KLHL1: variants seen among roughly 807,000 people sequenced by gnomAD.
KLHL1 encodes kelch-like protein 1.
In KLHL1, 47 loss-of-function variants were observed where a neutral mutation model predicts 77.7. The observed-to-expected ratio is 0.60, with a 90% CI of 0.48 to 0.77. KLHL1 has a LOEUF of 0.77. Among genes scored for constraint, KLHL1 ranks in the 30% least tolerant of loss-of-function variants. The pLI, the probability that KLHL1 is intolerant of heterozygous loss-of-function variation, is 0.00. For missense variants in KLHL1, 925 were observed against 910.8 expected, an observed-to-expected ratio of 1.02 and a Z score of -0.20; for synonymous variants, 360 against 325.2, an observed-to-expected ratio of 1.11 and a Z score of -1.15.
At chr13:70,091,787 C>T (rs1387653228) in intron 1 of KLHL1, among the ~76,000 whole-genome samples, 2 of 152,132 alleles carry the variant, frequency 1.3e-5, no homozygotes, top group Non-Finnish European at 2.9e-5. Flanking sequence ...TACAAGTAAG[C>T]TCTGTAGGTG....
intron 4 of KLHL1, among the ~76,000 whole-genome samples, chr13:69,889,173 G>C (rs1881334196): frequency 6.6e-6 from 1 of 152,070 alleles, no homozygotes; most frequent in East Asian, 1.9e-4. Context: ...TTGTTGCACT[G>C]ACATATTGCT....
intron 4 of KLHL1, among the ~76,000 whole-genome samples, chr13:69,917,237 T>C (rs1415707111): frequency 6.6e-6 from 1 of 151,920 alleles, no homozygotes; most frequent in East Asian, 1.9e-4. Flanking sequence ...ATAATATAAA[T>C]ATTTACATTT....
At chr13:70,054,820 AG>A (rs755392282) in intron 1 of KLHL1, among the ~76,000 whole-genome samples, 32 of 7,688 alleles carry the variant, frequency 4.2e-3, no homozygotes, top group Non-Finnish European at 0.022. Context: ...AAATTGATCA[AG>A]CATTAAGAGA....
In KLHL1 at chr13:69,796,720, A is replaced by G. The variant is rs1264681159; in HGVS notation, c.1639+18T>C. The G allele has an allele frequency of 6.6e-7, 1 of 1,511,764 alleles. No homozygotes were observed. The highest frequency in any genetic ancestry group is 9.2e-7 in the Non-Finnish European group (1 of 1,088,386). The allele number at this position is 1,511,764 out of a possible 1,614,324, so 93.6% of individuals were successfully genotyped here. A position where few individuals can be genotyped will look rare whatever the true frequency, so the allele number is the denominator to read the frequency against. ...ATAACATGTTTCTAAAAGTAATATC[A>G]ATAAAGTAAGATCTTACCTAGACCA... is the stretch of plus-strand genomic sequence containing the variant. On this transcript the variant is annotated intron_variant, in intron 7 of 10. Coordinates refer to ENST00000377844, the MANE Select transcript of KLHL1 (RefSeq NM_020866.3).
chr13:69,837,595 T>TAC (rs1879053400), intron 6 of KLHL1, among the ~76,000 whole-genome samples: 1 of 146,930 alleles, frequency 6.8e-6, no homozygotes, highest in East Asian at 2.0e-4. Context: ...ACTATATATA[T>TAC]ACACATACAT....
At chr13:69,939,374 T>C (rs1340469995) in intron 4 of KLHL1, among the ~76,000 whole-genome samples, 5,273 of 97,104 alleles carry the variant, frequency 0.054, 383 homozygotes, top group Middle Eastern at 0.1. Context: ...TATATATATA[T>C]ATATACACAC....
At chr13:69,881,561 A>C (rs552245140) in intron 5 of KLHL1, among the ~76,000 whole-genome samples, 1 of 152,312 alleles carries the variant, frequency 6.6e-6, no homozygotes, top group African/African-American at 2.4e-5. Flanking sequence ...CTGAATTAAC[A>C]ATGCTGTACA....
intron 8 of KLHL1, among the ~76,000 whole-genome samples, chr13:69,734,962 G>GA (rs1445887828): frequency 1.3e-5 from 2 of 152,014 alleles, no homozygotes; most frequent in Non-Finnish European, 2.9e-5. Flanking sequence ...ATATCATAAT[G>GA]AAGAATGTTG....
intron 4 of KLHL1, among the ~76,000 whole-genome samples, chr13:69,932,216 T>C (rs1305384736): frequency 6.6e-6 from 1 of 151,848 alleles, no homozygotes; most frequent in East Asian, 1.9e-4. Flanking sequence ...AACTGATTTT[T>C]ACCTGATCAG....
intron 6 of KLHL1, among the ~76,000 whole-genome samples, chr13:69,822,142 T>C (rs1310320605): frequency 1.4e-5 from 2 of 143,966 alleles, no homozygotes; most frequent in Non-Finnish European, 3.0e-5. Flanking sequence ...GAGGTTGCAG[T>C]GAGCTGAGAT....
intron 7 of KLHL1, among the ~76,000 whole-genome samples, chr13:69,743,395 G>T (rs1055443153): frequency 6.6e-6 from 1 of 152,148 alleles, no homozygotes; most frequent in Admixed American, 6.6e-5. Context: ...AGTTCAAACA[G>T]ATAAAAGTGA....
intron 6 of KLHL1, among the ~76,000 whole-genome samples, chr13:69,820,183 T>C (rs944175492): frequency 2.0e-5 from 3 of 152,180 alleles, no homozygotes; most frequent in African/African-American, 7.2e-5. Flanking sequence ...TTATATTGTC[T>C]CCTCAAACAC....
At chr13:69,745,194 A>G (rs1376437197) in intron 7 of KLHL1, among the ~76,000 whole-genome samples, 3 of 152,024 alleles carry the variant, frequency 2.0e-5, no homozygotes, top group Non-Finnish European at 2.9e-5. Flanking sequence ...AGTTTTCACC[A>G]TGCTGATGAC....
At chr13:69,999,163 T>G (rs1315897846) in intron 1 of KLHL1, among the ~76,000 whole-genome samples, 7 of 152,150 alleles carry the variant, frequency 4.6e-5, no homozygotes, top group African/African-American at 1.7e-4. Context: ...TTATGTATTA[T>G]GTACATGTAT....
At chr13:69,766,873 T>C (rs1263759046) in intron 7 of KLHL1, among the ~76,000 whole-genome samples, 1 of 152,184 alleles carries the variant, frequency 6.6e-6, no homozygotes, top group Non-Finnish European at 1.5e-5. Context: ...TGGACAAGCC[T>C]GACTGGAATA....
chr13:70,082,158 C>T (rs1468326703), intron 1 of KLHL1, among the ~76,000 whole-genome samples: 2 of 152,112 alleles, frequency 1.3e-5, no homozygotes, highest in African/African-American at 4.8e-5. Context: ...AGCTCCCTGG[C>T]CATGGCTCCT....
intron 1 of KLHL1, among the ~76,000 whole-genome samples, chr13:70,064,388 ATAGTAAGT>A (rs369805737): frequency 2.6e-5 from 4 of 152,266 alleles, no homozygotes; most frequent in African/African-American, 9.6e-5. Flanking sequence ...CACCATAAAT[ATAGTAAGT>A]TGGGGATGAC....
chr13:69,822,784 T>C (rs1205971758), intron 6 of KLHL1, among the ~76,000 whole-genome samples: 2 of 152,146 alleles, frequency 1.3e-5, no homozygotes, highest in African/African-American at 4.8e-5. Context: ...ATTAACCTTA[T>C]AATATAGAAT....
chr13:69,879,281 T>C (rs1483712546), intron 5 of KLHL1, among the ~76,000 whole-genome samples: 2 of 152,186 alleles, frequency 1.3e-5, no homozygotes, highest in African/African-American at 2.4e-5. Context: ...ACTTTTAACA[T>C]TTCCACTCTC....
Sources: gnomAD v4.1 joint callset for allele counts (sites outside exome capture counted in the v4.1 genomes callset) on GRCh38, gnomAD v4.1.1 for gene constraint, MANE v1.5 for transcripts, NCBI Gene and HGNC (gene_info 2026-07-23, HGNC 2026-07-21) for gene names.